The following KSR1 variants were observed in gnomAD, a reference collection of about 807,000 sequenced individuals.
The protein encoded by KSR1 is kinase suppressor of ras 1.
A neutral mutation model predicts 92.9 loss-of-function variants in KSR1; 35 were observed. The ratio of observed to expected loss-of-function variants is 0.38; its 90% confidence interval spans 0.29 to 0.50. KSR1 has a LOEUF of 0.50. Among genes scored for constraint, KSR1 ranks in the 20% least tolerant of loss-of-function variants. The pLI, the probability that KSR1 is intolerant of heterozygous loss-of-function variation, is 0.94. For missense variants in KSR1, 972 were observed against 1,158.5 expected, an observed-to-expected ratio of 0.84 and a Z score of 2.34; for synonymous variants, 467 against 472.6, an observed-to-expected ratio of 0.99 and a Z score of 0.15.
chr17:27,610,252 G>A, intron 17 of KSR1, 54 bp downstream of exon 17: 5 of 1,610,120 alleles, frequency 3.1e-6, no homozygotes, highest in Non-Finnish European at 4.2e-6. Flanking sequence ...AGAGGGCCCT[G>A]GTGGCCATTG....
intron 1 of KSR1, among the ~76,000 whole-genome samples, chr17:27,504,982 TAAGCATGTGGGAGGGCTCTGTCCCATA>T (rs2069324528): frequency 6.6e-6 from 1 of 152,154 alleles, no homozygotes; most frequent in Non-Finnish European, 1.5e-5. Context: ...TCCACTAAGG[TAAGCATGTGGGAGGGCTCTGTCCCATA>T]AAGCCAGGGA....
Position 27,617,308 on chromosome 17 carries a change from C to T in KSR1, c.2507C>T (p.Ala836Val), listed in dbSNP as rs754046137. Residue 836 changes from alanine to valine, a missense_variant, in exon 19 of 21, where the codon GCC becomes GTC. This residue lies in a region of KSR1 where 260 missense variants were observed against 375.2 expected (regional missense o/e 0.69). Transcript: ENST00000644974. ...LGKEVSEILS[A>V]CWAFDLQERP... ...CTCCATTTGCAGGAGATCCTGTCGG[C>T]CTGCTGGGCTTTCGACCTGCAGGAG... 12 of 1,607,124 alleles carry T rather than the reference C, an allele frequency of 7.5e-6. No homozygotes were observed. Among genetic ancestry groups the T allele is most frequent in the Non-Finnish European group, 9.4e-6 (11 of 1,175,362 alleles).
In KSR1 at chr17:27,623,691, C is replaced by G; in HGVS notation, c.*299C>G. 1.7e-6 allele frequency: 1 copy of G among 583,448 alleles called. No individual in the cohort carries two copies. The highest frequency in any genetic ancestry group is 3.0e-6 in the Non-Finnish European group (1 of 334,830). 36.1% of individuals were successfully genotyped at this position (583,448 alleles called of 1,614,324 possible). On this transcript the variant is annotated 3_prime_UTR_variant, in exon 21 of 21. Transcript: ENST00000644974. Reference sequence around the variant, plus strand: ...TAGGTAATAATAAAAACAGTCTGTGCAGATGCACTGGCACTGACGGCCAGG... The same window carrying G: ...TAGGTAATAATAAAAACAGTCTGTGGAGATGCACTGGCACTGACGGCCAGG...
chr17:27,550,717 G>A lies in KSR1; in HGVS notation c.372+9G>A, dbSNP rs780006525. ...GGCCGGAGGTGGTGCAGGTATGCAA[G>A]CTGGTTCTCAGCATAGGGATAGGCA... On this transcript the variant is annotated intron_variant, in intron 2 of 20. Transcript: ENST00000644974. 2.6e-6 allele frequency: 2 copies of A among 762,254 alleles called. No homozygotes were observed. The highest frequency in any genetic ancestry group is 4.8e-6 in the Non-Finnish European group (2 of 416,878). 47.2% of individuals were successfully genotyped at this position (762,254 alleles called of 1,614,324 possible).
chr17:27,585,943 TGC>T, intron 5 of KSR1: 1 of 455,066 alleles, frequency 2.2e-6, no homozygotes, highest in Non-Finnish European at 4.0e-6. Flanking sequence ...GTCTCCACCT[TGC>T]CCTTCCCCAC....
At position 27,584,202 on chromosome 17, in the gene KSR1, G is replaced by A. The variant is rs114351923; in HGVS notation, c.980+1097G>A. 1.1e-3 allele frequency among the ~76,000 whole-genome samples: 168 copies of A among 152,172 alleles called. 1 individual carries two copies. Among genetic ancestry groups the A allele is most frequent in the African/African-American group, 3.1e-3 (128 of 41,510 alleles). ...CTCGGCATGGGCACCCCTTTCCTAC[G>A]CTTGATCTTAGCCAAAAGGCCGAGA... On this transcript the variant is annotated intron_variant, in intron 4 of 20. Coordinates refer to ENST00000644974, the MANE Select transcript of KSR1 (RefSeq NM_001394583.1).
intron 1 of KSR1, among the ~76,000 whole-genome samples, chr17:27,508,579 G>A (rs549489916): frequency 6.6e-6 from 1 of 152,142 alleles, no homozygotes; most frequent in South Asian, 2.1e-4. Flanking sequence ...CCAACCCTCA[G>A]TTTCCTGATG....
intron 6 of KSR1, among the ~76,000 whole-genome samples, chr17:27,588,824 G>T (rs977738572): frequency 3.3e-5 from 5 of 152,138 alleles, no homozygotes; most frequent in African/African-American, 1.2e-4. Flanking sequence ...ATAAGGTCAG[G>T]GTCATGGGAA....
intron 10 of KSR1, among the ~76,000 whole-genome samples, chr17:27,598,637 CTG>C (rs1460950735): frequency 6.6e-6 from 1 of 152,220 alleles, no homozygotes; most frequent in African/African-American, 2.4e-5. Flanking sequence ...TGCTCTGAAA[CTG>C]TGCCTTTTGC....
intron 10 of KSR1, 127 bp from the exon 11 acceptor site, chr17:27,601,233 C>T (rs2073545422): frequency 2.6e-6 from 2 of 758,816 alleles, no homozygotes; most frequent in Non-Finnish European, 4.4e-6. Flanking sequence ...TTGCCAGGTC[C>T]ATCTGGGGTA....
chr17:27,590,044 AGT>A (rs1025429666), intron 6 of KSR1, among the ~76,000 whole-genome samples: 8 of 152,210 alleles, frequency 5.3e-5, no homozygotes, highest in Non-Finnish European at 1.0e-4. Context: ...AAAATGCACA[AGT>A]GTGTGTGTGT....
intron 1 of KSR1, among the ~76,000 whole-genome samples, chr17:27,527,888 TGTA>T (rs1178988795): frequency 1.3e-5 from 2 of 152,222 alleles, no homozygotes; most frequent in African/African-American, 4.8e-5. Context: ...ATGTCTTTAA[TGTA>T]GTAATTCTTT....
intron 1 of KSR1, among the ~76,000 whole-genome samples, chr17:27,496,827 C>T (rs1034492321): frequency 3.3e-5 from 5 of 152,174 alleles, no homozygotes; most frequent in East Asian, 1.9e-4. Context: ...GGAGGGATAC[C>T]GAGGGGCTGG....
At chr17:27,560,121 C>G (rs543218192) in intron 2 of KSR1, among the ~76,000 whole-genome samples, 1 of 152,146 alleles carries the variant, frequency 6.6e-6, no homozygotes, top group Non-Finnish European at 1.5e-5. Context: ...AGCTCAGAGG[C>G]GGGGCCCTGC....
At chr17:27,492,386 C>T (rs61294005) in intron 1 of KSR1, among the ~76,000 whole-genome samples, 10,204 of 152,188 alleles carry the variant, frequency 0.067, 461 homozygotes, top group South Asian at 0.18. Context: ...GTTACACCTG[C>T]TCGTTTCTTG....
chr17:27,490,583 G>C (rs577877496), intron 1 of KSR1, among the ~76,000 whole-genome samples: 8 of 152,222 alleles, frequency 5.3e-5, no homozygotes, highest in African/African-American at 1.9e-4. Flanking sequence ...GCAAAGACCT[G>C]GGGGGTCTTC....
chr17:27,547,465 C>T (rs1034008996), intron 1 of KSR1, among the ~76,000 whole-genome samples: 9 of 152,226 alleles, frequency 5.9e-5, no homozygotes, highest in Non-Finnish European at 1.0e-4. Context: ...ACCTGTGACT[C>T]GGTCACCAGT....
intron 1 of KSR1, among the ~76,000 whole-genome samples, chr17:27,539,219 G>C (rs888719286): frequency 2.0e-5 from 3 of 152,230 alleles, no homozygotes; most frequent in African/African-American, 7.2e-5. Context: ...GGGTTGAGCT[G>C]AGGGGGTAAA....
chr17:27,557,252 G>A (rs1423127699), intron 2 of KSR1, among the ~76,000 whole-genome samples: 1 of 152,196 alleles, frequency 6.6e-6, no homozygotes, highest in Non-Finnish European at 1.5e-5. Flanking sequence ...AGGTAGCTCA[G>A]ACTGCAGAGA....
Sources: allele counts gnomAD v4.1 joint callset (sites outside exome capture counted in the v4.1 genomes callset), GRCh38; gene constraint gnomAD v4.1.1; regional missense constraint gnomAD v4.1.1; transcripts MANE v1.5; gene names NCBI Gene and HGNC (gene_info 2026-07-23, HGNC 2026-07-21).